The following EEF1AKMT1 variants were observed in gnomAD, a reference collection of about 807,000 sequenced individuals.
The protein encoded by EEF1AKMT1 is N-6 adenine-specific DNA methyltransferase 2 (putative).
A neutral mutation model predicts 21.0 loss-of-function variants in EEF1AKMT1; 18 were observed. The ratio of observed to expected loss-of-function variants is 0.86; its 90% CI spans 0.59 to 1.27. The LOEUF is 1.27. EEF1AKMT1 is among the 50% of genes most tolerant of loss of function. The probability of loss-of-function intolerance (pLI) is 0.00; values close to 1 mark genes in which losing one functional copy is unlikely to be tolerated. For synonymous variants in EEF1AKMT1, 109 were observed against 94.8 expected, an observed-to-expected ratio of 1.15 and a Z score of -0.87; for missense variants, 246 against 258.6, an observed-to-expected ratio of 0.95 and a Z score of 0.33.
chr13:20,736,944 G>A (rs979302895), intron 3 of EEF1AKMT1, among the ~76,000 whole-genome samples: 29 of 151,446 alleles, frequency 1.9e-4, no homozygotes, highest in African/African-American at 7.0e-4. Flanking sequence ...ATGTTGTCCA[G>A]GCTGGTCTCA....
chr13:20,732,368 G>A (rs1334521271), intron 3 of EEF1AKMT1, among the ~76,000 whole-genome samples: 1 of 152,066 alleles, frequency 6.6e-6, no homozygotes, highest in Non-Finnish European at 1.5e-5. Flanking sequence ...GTCTCACTCT[G>A]TTGCCAAGGC....
At chr13:20,736,733 CT>C (rs71087090) in intron 3 of EEF1AKMT1, among the ~76,000 whole-genome samples, 7,276 of 86,476 alleles carry the variant, frequency 0.084, 58 homozygotes, top group Non-Finnish European at 0.11. Context: ...AACCATTTGA[CT>C]TTTTTTTTTT....
rs2058991167 is a variant in EEF1AKMT1, at chr13:20,759,878, G to A, written c.-19-2261C>T. 2.0e-5 allele frequency among the ~76,000 whole-genome samples: 3 copies of A among 152,142 alleles called. No individual in the cohort carries two copies. The South Asian group carries it at 6.2e-4, about 32-fold the overall frequency. On this transcript the variant is annotated intron_variant, in intron 1 of 4. Coordinates refer to ENST00000382758, the MANE Select transcript of EEF1AKMT1 (RefSeq NM_001318939.2). ...CCAGCACTTTGGGAGGCCAAGGCCA[G>A]TGGATCACGAGGTCAGGAGATTGAA...
At chr13:20,772,473 A>G (rs1249938339) in intron 1 of EEF1AKMT1, among the ~76,000 whole-genome samples, 1 of 152,168 alleles carries the variant, frequency 6.6e-6, no homozygotes, top group Non-Finnish European at 1.5e-5. Context: ...TGAACTTAAA[A>G]TTCACAGGAC....
At chr13:20,729,737 G>A (rs2058781252) in intron 4 of EEF1AKMT1, among the ~76,000 whole-genome samples, 1 of 152,078 alleles carries the variant, frequency 6.6e-6, no homozygotes, top group Admixed American at 6.5e-5. Flanking sequence ...CCACAGCCCT[G>A]ATTCCTCTCC....
intron 3 of EEF1AKMT1, among the ~76,000 whole-genome samples, chr13:20,733,879 A>T (rs1191570714): frequency 6.6e-6 from 1 of 152,252 alleles, no homozygotes; most frequent in Non-Finnish European, 1.5e-5. Flanking sequence ...ACGCATTTCC[A>T]ACAGAGACAG....
At chr13:20,768,541 G>A (rs1595032959) in intron 1 of EEF1AKMT1, among the ~76,000 whole-genome samples, 2 of 152,160 alleles carry the variant, frequency 1.3e-5, no homozygotes, top group South Asian at 4.1e-4. Flanking sequence ...GATACCTGGA[G>A]TTCTTTCTCT....
At chr13:20,768,762 G>C (rs1057049514) in intron 1 of EEF1AKMT1, 1 of 152,274 alleles carries the variant, frequency 6.6e-6, no homozygotes, top group African/African-American at 2.4e-5. Context: ...TCAGCTCTCT[G>C]ATCAGCAGCA....
chr13:20,750,427 T>A (rs953726912), intron 2 of EEF1AKMT1, among the ~76,000 whole-genome samples: 1 of 152,132 alleles, frequency 6.6e-6, no homozygotes, highest in Non-Finnish European at 1.5e-5. Flanking sequence ...AGCCTTCGCA[T>A]ATAAGAACAT....
chr13:20,754,183 C>A (rs1331421468), intron 2 of EEF1AKMT1, among the ~76,000 whole-genome samples: 1 of 151,992 alleles, frequency 6.6e-6, no homozygotes, highest in African/African-American at 2.4e-5. Flanking sequence ...ATTTCCTCAG[C>A]TTTTACTTGT....
At chr13:20,734,093 A>T (rs1330869728) in intron 3 of EEF1AKMT1, among the ~76,000 whole-genome samples, 1 of 152,216 alleles carries the variant, frequency 6.6e-6, no homozygotes, top group Non-Finnish European at 1.5e-5. Context: ...GTACAGTGGG[A>T]TTATAGCCTC....
In EEF1AKMT1 at chr13:20,757,554, A is replaced by G. The variant is rs747692174; in HGVS notation, c.45T>C (p.His15=). ...AAAATTCCTGGAGAGCTGCTAAGGC[A>G]TGGGCAGAAAGCTGGGGTGTCTCAT... ...EDDETPQLSA[H]ALAALQEFYA... is the part of the protein sequence containing the mutation. Residue 15 remains histidine, a synonymous_variant, in exon 2 of 5, where the codon CAT becomes CAC. Transcript: ENST00000382758. The G allele has an allele frequency of 6.2e-7, 1 of 1,614,176 alleles. No homozygotes were observed. The highest frequency in any genetic ancestry group is 1.1e-5 in the South Asian group (1 of 91,080).
At chr13:20,731,025 G>A (rs2265951) in intron 4 of EEF1AKMT1, among the ~76,000 whole-genome samples, 61,171 of 152,030 alleles carry the variant, frequency 0.4, 13,560 homozygotes, top group East Asian at 0.76. Flanking sequence ...AAACAATTCC[G>A]GAGGTGCCGC....
At chr13:20,758,529 A>G (rs2058982763) in intron 1 of EEF1AKMT1, among the ~76,000 whole-genome samples, 1 of 152,200 alleles carries the variant, frequency 6.6e-6, no homozygotes, top group Non-Finnish European at 1.5e-5. Flanking sequence ...ATCAAGTATC[A>G]GTATTTTGGC....
At chr13:20,753,052 A>G (rs1183522425) in intron 2 of EEF1AKMT1, among the ~76,000 whole-genome samples, 1 of 151,910 alleles carries the variant, frequency 6.6e-6, no homozygotes, top group African/African-American at 2.4e-5. Context: ...AAACCTTCCT[A>G]CTTTCTAGAT....
chr13:20,748,668 T>C (rs1185910863), intron 2 of EEF1AKMT1, among the ~76,000 whole-genome samples: 4 of 151,478 alleles, frequency 2.6e-5, no homozygotes, highest in Non-Finnish European at 5.9e-5. Flanking sequence ...ATTTTTGCTC[T>C]CTCATACACA....
intron 2 of EEF1AKMT1, among the ~76,000 whole-genome samples, chr13:20,749,917 A>T (rs1052867572): frequency 2.0e-5 from 3 of 152,164 alleles, no homozygotes; most frequent in Admixed American, 6.5e-5. Flanking sequence ...AATTTTCATA[A>T]TCATCATAAT....
At chr13:20,771,750 C>T (rs1051549451) in intron 1 of EEF1AKMT1, among the ~76,000 whole-genome samples, 1 of 152,174 alleles carries the variant, frequency 6.6e-6, no homozygotes, top group African/African-American at 2.4e-5. Flanking sequence ...GTGGCTCACG[C>T]CTGTAATCCA....
chr13:20,738,683 T>C (rs1195288717), intron 2 of EEF1AKMT1, among the ~76,000 whole-genome samples: 1 of 152,216 alleles, frequency 6.6e-6, no homozygotes, highest in Non-Finnish European at 1.5e-5. Flanking sequence ...ATATGCTACA[T>C]GGATGAGTCT....
Sources: allele counts gnomAD v4.1 joint callset (sites outside exome capture counted in the v4.1 genomes callset), GRCh38; gene constraint gnomAD v4.1.1; transcripts MANE v1.5; gene names NCBI Gene and HGNC (gene_info 2026-07-23, HGNC 2026-07-21).